The following PLCB4 variants were observed in gnomAD, a reference collection of about 807,000 sequenced individuals.
PLCB4 encodes 1-phosphatidylinositol 4,5-bisphosphate phosphodiesterase beta-4.
In PLCB4, 77 loss-of-function variants were observed where a neutral mutation model predicts 178.8. The observed-to-expected ratio is 0.43, with a 90% CI of 0.36 to 0.52. PLCB4 has a LOEUF of 0.52. PLCB4 is among the 20% of genes least tolerant of loss of function. The probability of loss-of-function intolerance (pLI) is 0.00; values close to 1 mark genes in which losing one functional copy is unlikely to be tolerated. For synonymous variants in PLCB4, 496 were observed against 490.8 expected (o/e 1.01, Z -0.14); for missense variants, 1,024 against 1,453.4 (o/e 0.70, Z 4.80).
chr20:9,295,895 A>C (rs146591662), intron 3 of PLCB4, among the ~76,000 whole-genome samples: 4,790 of 152,268 alleles, frequency 0.031, 226 homozygotes, highest in African/African-American at 0.1. Flanking sequence ...ACCTAAAACC[A>C]TAAAAACTGT....
chr20:9,198,256 A>T (rs6056466), intron 2 of PLCB4, among the ~76,000 whole-genome samples: 73,321 of 152,088 alleles, frequency 0.48, 18,420 homozygotes, highest in African/African-American at 0.63. Flanking sequence ...GGTGTCTGTC[A>T]CTAGAACACA....
chr20:9,434,625 C>T (rs1246280963), intron 28 of PLCB4, among the ~76,000 whole-genome samples: 3 of 152,168 alleles, frequency 2.0e-5, no homozygotes, highest in South Asian at 2.1e-4. Context: ...ATCCACCCTT[C>T]TCGTGTTCCC....
At chr20:9,388,291 T>C (rs2037847935) in intron 15 of PLCB4, among the ~76,000 whole-genome samples, 1 of 152,164 alleles carries the variant, frequency 6.6e-6, no homozygotes, top group Non-Finnish European at 1.5e-5. Flanking sequence ...ATCAAAAGAA[T>C]GAAATTCTGT....
At chr20:9,406,119 A>G (rs1375770261) in intron 21 of PLCB4, among the ~76,000 whole-genome samples, 1 of 152,204 alleles carries the variant, frequency 6.6e-6, no homozygotes, top group Non-Finnish European at 1.5e-5. Context: ...ACAGATTGAC[A>G]TTTGGTCATT....
At chr20:9,149,842 C>G (rs12625230) in intron 2 of PLCB4, among the ~76,000 whole-genome samples, 21,689 of 152,210 alleles carry the variant, frequency 0.14, 1,632 homozygotes, top group Middle Eastern at 0.19. Flanking sequence ...AAATACTCTT[C>G]AGATTAACAT....
At position 9,443,980 on chromosome 20, in the gene PLCB4, G is replaced by A; in HGVS notation, c.2765-1G>A. The A allele has an allele frequency of 1.3e-6, 2 of 1,560,338 alleles. No homozygotes were observed. Among genetic ancestry groups the A allele is most frequent in the Non-Finnish European group, 1.8e-6 (2 of 1,141,366 alleles). ...TGACTTAATTTTTTTTGTTTGTTTA[G>A]GTATTGAACTTATCCCTCAAGTAAG... On this transcript the variant is annotated splice_acceptor_variant, in intron 30 of 39. Transcript: ENST00000378473. LOFTEE classifies it high-confidence loss of function.
chr20:9,399,019 A>G (rs2038826060), intron 19 of PLCB4, among the ~76,000 whole-genome samples: 1 of 152,250 alleles, frequency 6.6e-6, no homozygotes, highest in Admixed American at 6.5e-5. Flanking sequence ...AGGAGAAAGA[A>G]TAGAACGAAT....
At chr20:9,291,804 G>A (rs778526329) in intron 3 of PLCB4, among the ~76,000 whole-genome samples, 4 of 152,148 alleles carry the variant, frequency 2.6e-5, no homozygotes, top group Non-Finnish European at 5.9e-5. Context: ...CTGTGTGGAT[G>A]AACATATGAA....
intron 3 of PLCB4, among the ~76,000 whole-genome samples, chr20:9,243,903 A>C (rs2094095648): frequency 6.6e-6 from 1 of 152,228 alleles, no homozygotes; most frequent in Non-Finnish European, 1.5e-5. Context: ...CATGTAAAAT[A>C]TAAGAATTGT....
intron 3 of PLCB4, among the ~76,000 whole-genome samples, chr20:9,224,905 T>C (rs1167200986): frequency 6.6e-6 from 1 of 152,200 alleles, no homozygotes; most frequent in Non-Finnish European, 1.5e-5. Context: ...TACCTCAACA[T>C]GGGCTCTGAA....
At chr20:9,312,737 T>C (rs1443839114) in intron 4 of PLCB4, among the ~76,000 whole-genome samples, 2 of 152,166 alleles carry the variant, frequency 1.3e-5, no homozygotes, top group Non-Finnish European at 2.9e-5. Flanking sequence ...ATTAGCAGGA[T>C]GATAAAGCTA....
intron 33 of PLCB4, 56 bp downstream of exon 33, chr20:9,453,518 C>T: frequency 9.2e-7 from 1 of 1,089,548 alleles, no homozygotes; most frequent in Non-Finnish European, 1.4e-6. Flanking sequence ...TTTGTCTTTT[C>T]CCACAGTTTT....
intron 2 of PLCB4, among the ~76,000 whole-genome samples, chr20:9,121,026 G>A (rs999555479): frequency 6.6e-6 from 1 of 152,022 alleles, no homozygotes; most frequent in South Asian, 2.1e-4. Context: ...CCCTCACCGG[G>A]ATGATCTACC....
At chr20:9,418,618 G>A (rs1475299869) in intron 25 of PLCB4, among the ~76,000 whole-genome samples, 1 of 152,040 alleles carries the variant, frequency 6.6e-6, no homozygotes, top group Non-Finnish European at 1.5e-5. Context: ...ACCCAATTTT[G>A]TTCTCTCTTT....
At chr20:9,363,111 C>T in intron 8 of PLCB4, 136 bp downstream of exon 8, 1 of 690,548 alleles carries the variant, frequency 1.4e-6, no homozygotes. Context: ...TTGGAGTTGA[C>T]CAACACACAC....
In PLCB4 at chr20:9,098,523, C is replaced by T. The variant is rs140106732; in HGVS notation, c.-79+2181C>T. The stretch of plus-strand genomic sequence containing the variant: ...GCACATTCTGGAAAAGGCTCCTCAG[C>T]TGCATGGGTGACAGAGCCCAGGAGG... On this transcript the variant is annotated intron_variant, in intron 2 of 39. Transcript: ENST00000378473. Among the ~76,000 whole-genome samples the T allele has an allele frequency of 5.1e-3, 767 of 151,854 alleles. 2 individuals are homozygous for T. Among genetic ancestry groups the T allele is most frequent in the Middle Eastern group, 0.014 (4 of 292 alleles).
At chr20:9,254,260 G>A (rs1178870489) in intron 3 of PLCB4, among the ~76,000 whole-genome samples, 3 of 152,170 alleles carry the variant, frequency 2.0e-5, no homozygotes, top group Non-Finnish European at 2.9e-5. Flanking sequence ...GAGAAATATA[G>A]GAGTTAGCCA....
At chr20:9,369,030 C>T (rs73068422) in intron 9 of PLCB4, among the ~76,000 whole-genome samples, 7,488 of 152,292 alleles carry the variant, frequency 0.049, 258 homozygotes, top group Non-Finnish European at 0.075. Context: ...TATCTCCCTT[C>T]TTGGCCCCCT....
At chr20:9,122,473 G>A (rs1353792636) in intron 2 of PLCB4, among the ~76,000 whole-genome samples, 4 of 152,018 alleles carry the variant, frequency 2.6e-5, no homozygotes, top group Admixed American at 1.3e-4. Flanking sequence ...TCTGTTACTG[G>A]ATACTTAGGT....
Sources: allele counts gnomAD v4.1 joint callset (sites outside exome capture counted in the v4.1 genomes callset), GRCh38; gene constraint gnomAD v4.1.1; transcripts MANE v1.5; gene names NCBI Gene and HGNC (gene_info 2026-07-23, HGNC 2026-07-21).